NAV3: variants seen among roughly 807,000 people sequenced by gnomAD.
NAV3 encodes the protein neuron navigator 3.
A neutral mutation model predicts 244.7 loss-of-function variants in NAV3; 87 were observed. That is an observed-to-expected ratio of 0.36 (90% CI 0.30 to 0.42). The LOEUF is 0.42. Among genes scored for constraint, NAV3 ranks in the 20% least tolerant of loss-of-function variants. The pLI is 1.00. For missense variants in NAV3, 2,663 were observed against 2,893.3 expected, an observed-to-expected ratio of 0.92 and a Z score of 1.83; for synonymous variants, 1,126 against 1,042.2, an observed-to-expected ratio of 1.08 and a Z score of -1.55.
At chr12:77,970,618 T>C (rs961488750) in intron 5 of NAV3, among the ~76,000 whole-genome samples, 1 of 152,130 alleles carries the variant, frequency 6.6e-6, no homozygotes, top group South Asian at 2.1e-4. Flanking sequence ...ATAATGCAGA[T>C]ATTTGACTGT....
intron 2 of NAV3, among the ~76,000 whole-genome samples, chr12:77,799,219 G>A (rs796395883): frequency 8.5e-5 from 13 of 152,344 alleles, no homozygotes; most frequent in African/African-American, 3.1e-4. Flanking sequence ...ACTGTGAAAA[G>A]AGACAACACA....
At chr12:77,875,930 T>C (rs941640540) in intron 1 of NAV3, among the ~76,000 whole-genome samples, 1 of 151,994 alleles carries the variant, frequency 6.6e-6, no homozygotes, top group African/African-American at 2.4e-5. Context: ...ATACAGCATT[T>C]TCAGGGAGTA....
At chr12:77,803,111 T>G (rs1871797385) in intron 2 of NAV3, among the ~76,000 whole-genome samples, 1 of 152,200 alleles carries the variant, frequency 6.6e-6, no homozygotes, top group Admixed American at 6.5e-5. Context: ...TATTATACTT[T>G]ATATTCTGGG....
intron 2 of NAV3, among the ~76,000 whole-genome samples, chr12:77,612,210 T>G (rs185003866): frequency 1.3e-5 from 2 of 152,252 alleles, no homozygotes; most frequent in Admixed American, 1.3e-4. Context: ...CTGTACTATG[T>G]GACTTGCATG....
At chr12:77,908,238 G>A (rs992511331) in intron 1 of NAV3, among the ~76,000 whole-genome samples, 3 of 151,870 alleles carry the variant, frequency 2.0e-5, no homozygotes, top group African/African-American at 4.8e-5. Context: ...TTACATATTG[G>A]AAAATAAACA....
chr12:77,644,250 T>A (rs12302953), intron 2 of NAV3, among the ~76,000 whole-genome samples: 4,115 of 152,092 alleles, frequency 0.027, 183 homozygotes, highest in African/African-American at 0.093. Flanking sequence ...CTTTAAGAGG[T>A]TCCCGAGATG....
chr12:77,825,419 A>G (rs1341274206), intron 2 of NAV3, among the ~76,000 whole-genome samples: 2 of 152,200 alleles, frequency 1.3e-5, no homozygotes, highest in Non-Finnish European at 2.9e-5. Context: ...ACAGTAGCAC[A>G]AGAAAGTGAA....
At chr12:77,731,753 T>A (rs1244165224) in intron 2 of NAV3, among the ~76,000 whole-genome samples, 8 of 152,006 alleles carry the variant, frequency 5.3e-5, no homozygotes, top group Admixed American at 5.3e-4. Context: ...TTAAAAATCT[T>A]TCCAAAAGTA....
chr12:77,752,446 T>C (rs1261654088), intron 2 of NAV3, among the ~76,000 whole-genome samples: 1 of 152,088 alleles, frequency 6.6e-6, no homozygotes, highest in Non-Finnish European at 1.5e-5. Flanking sequence ...CGAGAGTCCA[T>C]TTTTCTTAGT....
At chr12:77,945,129 A>AT (rs1270834936) in intron 3 of NAV3, among the ~76,000 whole-genome samples, 3 of 149,232 alleles carry the variant, frequency 2.0e-5, no homozygotes, top group Non-Finnish European at 3.0e-5. Context: ...GAGAAAAAAA[A>AT]AAAATAAATA....
intron 12 of NAV3, among the ~76,000 whole-genome samples, chr12:78,114,715 A>G (rs1000544097): frequency 3.3e-5 from 5 of 152,186 alleles, no homozygotes; most frequent in African/African-American, 7.2e-5. Context: ...CAGCCAAACC[A>G]TGTCAGTCAT....
At chr12:77,708,361 T>A (rs945924755) in intron 2 of NAV3, among the ~76,000 whole-genome samples, 1 of 152,190 alleles carries the variant, frequency 6.6e-6, no homozygotes, top group African/African-American at 2.4e-5. Flanking sequence ...AAAGATCAGA[T>A]GGTTGTAGAT....
rs977966297 is a variant in NAV3 at position 78,101,526 on chromosome 12, G to A, written c.2637-15246G>A. ...AGGTATTTAACATAAAATCATTTTA[G>A]TATATCAGTGTTTATATAGACTTAG... On this transcript the variant is annotated intron_variant, in intron 12 of 39. Coordinates refer to ENST00000397909, the MANE Select transcript of NAV3 (RefSeq NM_001024383.2). Among the ~76,000 whole-genome samples the A allele has an allele frequency of 2.6e-5, 4 of 152,168 alleles. No homozygotes were observed. The South Asian group carries it at 8.3e-4, about 32-fold the overall frequency.
intron 2 of NAV3, among the ~76,000 whole-genome samples, chr12:77,755,509 G>GTGCCTTGCCTTGCCT (rs796797077): frequency 1.5e-4 from 10 of 65,098 alleles, no homozygotes; most frequent in South Asian, 5.3e-4. Context: ...CTCCCTCCCT[G>GTGCCTTGCCTTGCCT]TGCCTTTCCT....
chr12:78,129,695 TTTA>T (rs1338278751), intron 18 of NAV3, among the ~76,000 whole-genome samples: 2 of 152,148 alleles, frequency 1.3e-5, no homozygotes, highest in African/African-American at 4.8e-5. Flanking sequence ...GGTAAATATT[TTTA>T]TTATTAGTTT....
chr12:78,167,620 A>G (rs1423306610), intron 23 of NAV3, among the ~76,000 whole-genome samples: 1 of 151,502 alleles, frequency 6.6e-6, no homozygotes, highest in Admixed American at 6.6e-5. Context: ...TTTAAAATAT[A>G]TATTCTGGGA....
rs745934944 is a variant in NAV3, at chr12:78,050,979, C to T, written c.2348C>T (p.Thr783Met). ...HTDPSRFMYT[T>M]PLRRAAVSRL... is the part of the protein sequence containing the mutation. ...GACCCCTCGAGGTTCATGTATACCACGCCTCTCCGTCGAGCTGCTGTCTCT... is the reference window on the plus strand; with the variant it reads ...GACCCCTCGAGGTTCATGTATACCATGCCTCTCCGTCGAGCTGCTGTCTCT... Residue 783 changes from threonine to methionine, a missense_variant, in exon 11 of 40, where the codon ACG becomes ATG. Physicochemically the swap from Thr to Met is moderately conservative, Grantham distance 81. Around this residue, in one of 6 missense-constraint regions of NAV3, gnomAD observed 1,521 missense variants for 1,497.0 expected, o/e 1.02. Transcript: ENST00000397909. 9.9e-6 allele frequency: 16 copies of T among 1,613,980 alleles called. No homozygotes were observed. The highest frequency in any genetic ancestry group is 5.3e-5 in the African/African-American group (4 of 74,894).
intron 1 of NAV3, among the ~76,000 whole-genome samples, chr12:77,900,409 C>T (rs1265988635): frequency 6.6e-6 from 1 of 152,104 alleles, no homozygotes; most frequent in Non-Finnish European, 1.5e-5. Flanking sequence ...GTACTCAGTG[C>T]TTAGCTCCCA....
At chr12:78,184,593 A>G (rs534207565) in intron 30 of NAV3, among the ~76,000 whole-genome samples, 1 of 151,952 alleles carries the variant, frequency 6.6e-6, no homozygotes, top group Admixed American at 6.6e-5. Context: ...TTTATTGCTT[A>G]CTTTCAAAAT....
Sources: allele counts gnomAD v4.1 joint callset (sites outside exome capture counted in the v4.1 genomes callset), GRCh38; gene constraint gnomAD v4.1.1; regional missense constraint gnomAD v4.1.1; transcripts MANE v1.5; gene names NCBI Gene and HGNC (gene_info 2026-07-23, HGNC 2026-07-21).